Variants in ESR1 observed in about 807,000 individuals in gnomAD.
The protein encoded by ESR1 is estrogen receptor 1, also known as estrogen receptor.
ESR1 carries 12 observed loss-of-function variants against 52.7 expected under a neutral mutation model. That is an observed-to-expected ratio of 0.23 (90% CI 0.15 to 0.37). The LOEUF is 0.37. ESR1 is among the 10% of genes least tolerant of loss of function. The pLI is 1.00. For missense variants in ESR1, 584 were observed against 779.7 expected, an observed-to-expected ratio of 0.75 and a Z score of 2.99; for synonymous variants, 305 against 316.8, an observed-to-expected ratio of 0.96 and a Z score of 0.39.
intron 2 of ESR1, among the ~76,000 whole-genome samples, chr6:151,774,644 G>C (rs1194563841): frequency 6.6e-6 from 1 of 152,182 alleles, no homozygotes; most frequent in Non-Finnish European, 1.5e-5. Context: ...AGCAGTTAGA[G>C]ATGATCCATT....
intron 6 of ESR1, chr6:152,121,698 AT>A (rs2051414771): frequency 6.5e-6 from 1 of 152,678 alleles, no homozygotes; most frequent in Non-Finnish European, 1.5e-5. Context: ...ATTTTATAAT[AT>A]CTATAATAAA....
At chr6:152,086,428 A>T (rs981647888) in intron 6 of ESR1, among the ~76,000 whole-genome samples, 33 of 148,316 alleles carry the variant, frequency 2.2e-4, no homozygotes, top group African/African-American at 7.6e-4. Context: ...TTTATTATTA[A>T]TAATTAATAT....
chr6:151,958,993 T>G (rs966470711), intron 4 of ESR1, among the ~76,000 whole-genome samples: 1 of 151,896 alleles, frequency 6.6e-6, no homozygotes, highest in African/African-American at 2.4e-5. Flanking sequence ...TGTGTGTGTG[T>G]GCGTGTGTGT....
intron 2 of ESR1, among the ~76,000 whole-genome samples, chr6:151,744,475 T>C (rs1183312257): frequency 6.6e-6 from 1 of 152,200 alleles, no homozygotes; most frequent in East Asian, 1.9e-4. Flanking sequence ...ATAAATGACA[T>C]AAAGCATCTT....
chr6:151,930,537 G>T (rs1442710440), intron 3 of ESR1, among the ~76,000 whole-genome samples: 1 of 152,044 alleles, frequency 6.6e-6, no homozygotes, highest in South Asian at 2.1e-4. Context: ...GGCAGTTATT[G>T]TTTACGTCAA....
At chr6:151,697,684 T>A (rs192844082) in intron 1 of ESR1, among the ~76,000 whole-genome samples, 4 of 152,378 alleles carry the variant, frequency 2.6e-5, no homozygotes, top group Admixed American at 6.5e-5. Context: ...TCTTTTATTT[T>A]TAACACCTCA....
chr6:151,849,606 T>C (rs1162803950), intron 2 of ESR1, among the ~76,000 whole-genome samples: 1 of 150,716 alleles, frequency 6.6e-6, no homozygotes, highest in African/African-American at 2.4e-5. Context: ...ATCGCGACAC[T>C]GCACTCCAGC....
intron 4 of ESR1, among the ~76,000 whole-genome samples, chr6:152,002,252 A>C (rs1166072127): frequency 6.7e-6 from 1 of 150,200 alleles, no homozygotes; most frequent in Non-Finnish European, 1.5e-5. Context: ...CAGTGTTGTC[A>C]TCAATTTTGG....
chr6:152,030,252 A>G lies in ESR1; in HGVS notation c.1235+18458A>G, dbSNP rs930679946. On this transcript the variant is annotated intron_variant, in intron 5 of 7. Transcript: ENST00000206249. ...AACTAACAAGCAAAATAAGCAGCTAACATCATAATGACAGGATCAAATTCA... is the reference window on the plus strand; with the variant it reads ...AACTAACAAGCAAAATAAGCAGCTAGCATCATAATGACAGGATCAAATTCA... 1.9e-4 allele frequency among the ~76,000 whole-genome samples: 29 copies of G among 152,188 alleles called. 1 individual carries two copies. The highest frequency in any genetic ancestry group is 4.3e-4 in the Non-Finnish European group (29 of 68,038).
At chr6:151,989,051 CA>C (rs2040777473) in intron 4 of ESR1, among the ~76,000 whole-genome samples, 1 of 152,066 alleles carries the variant, frequency 6.6e-6, no homozygotes, top group South Asian at 2.1e-4. Context: ...CACAAAAATT[CA>C]TAAGATGAGA....
chr6:152,019,205 T>C (rs373872613), intron 5 of ESR1, among the ~76,000 whole-genome samples: 113 of 152,278 alleles, frequency 7.4e-4, no homozygotes, highest in Middle Eastern at 3.4e-3. Context: ...TAGAAATCAA[T>C]TGAATTATGC....
At chr6:152,106,368 G>A (rs116721840), downstream of ESR1, among the ~76,000 whole-genome samples, 1,534 of 152,244 alleles carry the variant, frequency 0.01, 18 homozygotes, top group African/African-American at 0.035. Flanking sequence ...ATTTCTTCCT[G>A]TGGATTTGAG....
intron 1 of ESR1, among the ~76,000 whole-genome samples, chr6:151,682,255 C>T (rs1308103048): frequency 6.6e-6 from 1 of 152,142 alleles, no homozygotes; most frequent in Non-Finnish European, 1.5e-5. Context: ...ATAAATGGCA[C>T]CATTGAATTG....
At chr6:151,685,355 G>A (rs1562328289) in intron 1 of ESR1, among the ~76,000 whole-genome samples, 1 of 150,952 alleles carries the variant, frequency 6.6e-6, no homozygotes, top group Non-Finnish European at 1.5e-5. Context: ...GGATGGTCTC[G>A]ATCTCCTGAC....
At chr6:151,778,549 G>T (rs1039345115) in intron 2 of ESR1, among the ~76,000 whole-genome samples, 1 of 152,020 alleles carries the variant, frequency 6.6e-6, no homozygotes. Context: ...GGGATTACAG[G>T]TGTGTGCCAC....
At chr6:152,127,525 G>A (rs927005726) in exon 7 of ESR1, 1 of 152,038 alleles carries the variant, frequency 6.6e-6, no homozygotes, top group Non-Finnish European at 1.5e-5. Context: ...CTTTTCTCTC[G>A]GGAAAACATA....
chr6:151,732,777 CTG>C (rs1782354462), intron 2 of ESR1, among the ~76,000 whole-genome samples: 1 of 152,174 alleles, frequency 6.6e-6, no homozygotes, highest in Non-Finnish European at 1.5e-5. Flanking sequence ...ATCTTGCAGA[CTG>C]TAACTACTGT....
At chr6:151,967,899 C>A (rs189699038) in intron 4 of ESR1, among the ~76,000 whole-genome samples, 2 of 152,162 alleles carry the variant, frequency 1.3e-5, no homozygotes, top group African/African-American at 4.8e-5. Context: ...GATGGTATGT[C>A]GTTCTGGTTT....
intron 2 of ESR1, among the ~76,000 whole-genome samples, chr6:151,719,568 CT>C (rs1164618309): frequency 6.6e-6 from 1 of 152,126 alleles, no homozygotes; most frequent in African/African-American, 2.4e-5. Context: ...GATTGGAGGA[CT>C]CAGGAGGTGC....
Sources: allele counts gnomAD v4.1 joint callset (sites outside exome capture counted in the v4.1 genomes callset), GRCh38; gene constraint gnomAD v4.1.1; transcripts MANE v1.5; gene names NCBI Gene and HGNC (gene_info 2026-07-23, HGNC 2026-07-21).